Variants in DEPDC5 observed in about 807,000 individuals in gnomAD.
The protein encoded by DEPDC5 is DEP domain containing 5, GATOR1 subcomplex subunit.
A neutral mutation model predicts 217.3 loss-of-function variants in DEPDC5; 73 were observed. The observed-to-expected ratio is 0.34, with a 90% CI of 0.28 to 0.41. The LOEUF (loss-of-function observed/expected upper bound fraction) is 0.41, where lower values mean the gene tolerates loss of function less well. DEPDC5 is among the 10% of genes least tolerant of loss of function. DEPDC5 has a pLI of 1.00. For synonymous variants in DEPDC5, 733 were observed against 756.7 expected, an observed-to-expected ratio of 0.97 and a Z score of 0.51; for missense variants, 1,675 against 2,070.1, an observed-to-expected ratio of 0.81 and a Z score of 3.70.
At chr22:31,810,493 G>A in intron 19 of DEPDC5, 28 bp from the exon 20 acceptor site, 1 of 1,613,184 alleles carries the variant, frequency 6.2e-7, no homozygotes, top group Non-Finnish European at 8.5e-7. Context: ...TGTATTTGAT[G>A]ACAATTTATA....
chr22:31,810,717 G>A, intron 20 of DEPDC5, 76 bp downstream of exon 20: 2 of 1,563,162 alleles, frequency 1.3e-6, no homozygotes, highest in Non-Finnish European at 1.7e-6. Flanking sequence ...TGACCTCTAA[G>A]AGAGCAACCT....
chr22:31,782,835 T>A (rs948560951), intron 8 of DEPDC5, among the ~76,000 whole-genome samples: 2 of 152,192 alleles, frequency 1.3e-5, no homozygotes, highest in Non-Finnish European at 2.9e-5. Flanking sequence ...AGGGACCAGA[T>A]CTTATTTTCA....
At position 31,784,667 on chromosome 22, in the gene DEPDC5, C is replaced by T. The variant is rs2148413566; in HGVS notation, c.563-147C>T. On this transcript the variant is annotated intron_variant, in intron 9 of 42. Coordinates refer to ENST00000651528, the MANE Select transcript of DEPDC5 (RefSeq NM_001242896.3). ...ACAAAATACACCTTCTTTTTGGTCC[C>T]CTTTCTTATAGAAGAAGTTGCAAGC... The T allele has an allele frequency of 4.7e-6, 3 of 639,180 alleles. No homozygotes were observed. The East Asian group carries it at 8.5e-5, about 18-fold the overall frequency. 39.6% of individuals were successfully genotyped at this position (639,180 alleles called of 1,614,324 possible). A position where few individuals can be genotyped will look rare whatever the true frequency, so the allele number is the denominator to read the frequency against.
At chr22:31,775,775 C>T (rs948637605) in intron 7 of DEPDC5, among the ~76,000 whole-genome samples, 2 of 152,082 alleles carry the variant, frequency 1.3e-5, no homozygotes, top group Admixed American at 1.3e-4. Context: ...GGCACAGTGG[C>T]TCACACCTGT....
At chr22:31,842,728 C>G (rs2091471985) in intron 27 of DEPDC5, among the ~76,000 whole-genome samples, 1 of 152,268 alleles carries the variant, frequency 6.6e-6, no homozygotes, top group East Asian at 1.9e-4. Context: ...GTGAGAACCT[C>G]GAATGCCAAG....
intron 26 of DEPDC5, among the ~76,000 whole-genome samples, chr22:31,837,961 C>G (rs1027778647): frequency 1.3e-5 from 2 of 152,064 alleles, no homozygotes; most frequent in Non-Finnish European, 2.9e-5. Flanking sequence ...CCTCGGCCTC[C>G]CAAAGTGCTG....
intron 33 of DEPDC5, among the ~76,000 whole-genome samples, chr22:31,862,228 G>A (rs2092541542): frequency 6.6e-6 from 1 of 150,984 alleles, no homozygotes; most frequent in Non-Finnish European, 1.5e-5. Context: ...GGCAACAAGA[G>A]CGAAACTCCA....
intron 29 of DEPDC5, 87 bp from the exon 30 acceptor site, chr22:31,844,931 C>T: frequency 1.4e-6 from 2 of 1,391,976 alleles, no homozygotes; most frequent in East Asian, 4.6e-5. Flanking sequence ...TGGACCTTCA[C>T]ACACCAACTC....
intron 40 of DEPDC5, among the ~76,000 whole-genome samples, chr22:31,899,334 G>C (rs1258880552): frequency 2.0e-5 from 3 of 152,130 alleles, no homozygotes; most frequent in South Asian, 4.1e-4. Flanking sequence ...TGACAAGAGT[G>C]TGCTGTGTGT....
intron 38 of DEPDC5, among the ~76,000 whole-genome samples, chr22:31,885,988 A>G (rs1367150484): frequency 6.7e-6 from 1 of 148,764 alleles, no homozygotes; most frequent in Non-Finnish European, 1.5e-5. Flanking sequence ...AGCCAAGATC[A>G]CTCCATTGCA....
intron 40 of DEPDC5, among the ~76,000 whole-genome samples, chr22:31,899,193 A>G (rs1733424250): frequency 6.6e-6 from 1 of 152,212 alleles, no homozygotes; most frequent in South Asian, 2.1e-4. Context: ...TGCCATGGTT[A>G]CAGCTGCAGA....
At chr22:31,884,217 CT>C (rs911257048) in intron 38 of DEPDC5, among the ~76,000 whole-genome samples, 8 of 152,210 alleles carry the variant, frequency 5.3e-5, no homozygotes, top group Non-Finnish European at 7.3e-5. Flanking sequence ...CTGCCTCCCC[CT>C]GATGCAGCAT....
chr22:31,788,012 A>AT (rs1156353392), intron 10 of DEPDC5, among the ~76,000 whole-genome samples: 3 of 152,096 alleles, frequency 2.0e-5, no homozygotes. Flanking sequence ...ATTATTTCAC[A>AT]TTACATGCCT....
At chr22:31,798,888 C>T (rs777188779) in intron 14 of DEPDC5, among the ~76,000 whole-genome samples, 7 of 152,138 alleles carry the variant, frequency 4.6e-5, no homozygotes, top group Admixed American at 2.0e-4. Context: ...AGGAGGAACA[C>T]GTCCACCTTA....
At chr22:31,885,206 T>C (rs2093275624) in intron 38 of DEPDC5, among the ~76,000 whole-genome samples, 1 of 152,172 alleles carries the variant, frequency 6.6e-6, no homozygotes, top group African/African-American at 2.4e-5. Flanking sequence ...AGCTAGAGTT[T>C]TCAGCAGCCT....
At chr22:31,885,617 C>G (rs916788260) in intron 38 of DEPDC5, among the ~76,000 whole-genome samples, 5 of 150,582 alleles carry the variant, frequency 3.3e-5, no homozygotes, top group Non-Finnish European at 5.9e-5. Flanking sequence ...CCCAGCTACT[C>G]GGGAGGTTGA....
chr22:31,862,924 TA>T (rs2092565669), intron 33 of DEPDC5, among the ~76,000 whole-genome samples: 1 of 152,248 alleles, frequency 6.6e-6, no homozygotes, highest in Admixed American at 6.5e-5. Flanking sequence ...TTCTTTTTTT[TA>T]GAGGTAGTAT....
At position 31,906,877 on chromosome 22, in the gene DEPDC5, T is replaced by C. The variant is rs2093767764; in HGVS notation, c.*380T>C. 2.9e-6 allele frequency: 1 copy of C among 343,316 alleles called. No homozygotes were observed. Among genetic ancestry groups the C allele is most frequent in the South Asian group, 3.8e-5 (1 of 26,350 alleles). 21.3% of individuals were successfully genotyped at this position (343,316 alleles called of 1,614,324 possible). ...CTTTTCCTTCACCATCTATGGGATA[T>C]TAGGGGCAGAATCTGCCACTTCTTG... On this transcript the variant is annotated 3_prime_UTR_variant, in exon 43 of 43. Coordinates refer to ENST00000651528, the MANE Select transcript of DEPDC5 (RefSeq NM_001242896.3). This position sits in a 1 kb window ranked among gnomAD's most constrained non-coding sequence, Gnocchi z 5.1.
rs1174383878 is a variant in DEPDC5 at position 31,898,767 on chromosome 22, A to G, written c.4375+1114A>G. Among the ~76,000 whole-genome samples the G allele has an allele frequency of 2.0e-5, 3 of 152,148 alleles. No homozygotes were observed. In the East Asian group the frequency reaches 5.8e-4, roughly 29 times the overall value. On this transcript the variant is annotated intron_variant, in intron 40 of 42. Coordinates refer to ENST00000651528, the MANE Select transcript of DEPDC5 (RefSeq NM_001242896.3). Reference sequence around the variant, plus strand: ...TTGGAAGATTTTTTTTATAGACACAATGTTCTAAGTGATAATCGGGGTCCC... The same window carrying G: ...TTGGAAGATTTTTTTTATAGACACAGTGTTCTAAGTGATAATCGGGGTCCC...
Sources: gnomAD v4.1 joint callset for allele counts (sites outside exome capture counted in the v4.1 genomes callset) on GRCh38, gnomAD v4.1.1 for gene constraint, Gnocchi (gnomAD v3.1) non-coding constraint, MANE v1.5 for transcripts, NCBI Gene and HGNC (gene_info 2026-07-23, HGNC 2026-07-21) for gene names.